SHROOM3: variants seen among roughly 807,000 people sequenced by gnomAD.
SHROOM3 encodes protein Shroom3.
Under a neutral mutation model 138.6 loss-of-function variants are expected in SHROOM3, and 47 were observed. The observed-to-expected ratio is 0.34, with a 90% CI of 0.27 to 0.43. The LOEUF (loss-of-function observed/expected upper bound fraction) is 0.43. Among genes scored for constraint, SHROOM3 ranks in the 20% least tolerant of loss-of-function variants. The probability of loss-of-function intolerance (pLI) is 1.00; values close to 1 mark genes in which losing one functional copy is unlikely to be tolerated. For missense variants in SHROOM3, 2,491 were observed against 2,596.5 expected, an observed-to-expected ratio of 0.96 and a Z score of 0.88; for synonymous variants, 1,062 against 1,063.3, an observed-to-expected ratio of 1.00 and a Z score of 0.02.
chr4:76,546,707 A>G (rs1223914875), intron 1 of SHROOM3, among the ~76,000 whole-genome samples: 5 of 152,208 alleles, frequency 3.3e-5, no homozygotes, highest in Admixed American at 2.0e-4. Flanking sequence ...CTTCCATACA[A>G]TTATCGCACT....
rs571398281 is a variant in SHROOM3, at chr4:76,495,298, A to G, written c.168+59078A>G. ...ATTGGCTGCTGAGGCTCACAGCTGCACTCTCTTGTGGAAAATTGTGTTCTG... is the reference window on the plus strand; with the variant it reads ...ATTGGCTGCTGAGGCTCACAGCTGCGCTCTCTTGTGGAAAATTGTGTTCTG... On this transcript the variant is annotated intron_variant, in intron 1 of 10. Transcript: ENST00000296043. Among the ~76,000 whole-genome samples, 9 of 152,256 alleles carry G rather than the reference A, an allele frequency of 5.9e-5. No individual in the cohort carries two copies. The South Asian group carries it at 1.9e-3, about 32-fold the overall frequency.
At chr4:76,654,695 A>G (rs1736029663) in intron 2 of SHROOM3, among the ~76,000 whole-genome samples, 1 of 150,884 alleles carries the variant, frequency 6.6e-6, no homozygotes, top group Admixed American at 6.6e-5. Context: ...TGATTTAGTG[A>G]CTCTTTTGAT....
intron 1 of SHROOM3, among the ~76,000 whole-genome samples, chr4:76,441,621 C>G (rs1042569277): frequency 6.6e-6 from 1 of 152,218 alleles, no homozygotes; most frequent in Non-Finnish European, 1.5e-5. Flanking sequence ...TGCTCTTCAG[C>G]TAGTTTGTTT....
At chr4:76,475,690 G>A (rs1230296130) in intron 1 of SHROOM3, among the ~76,000 whole-genome samples, 2 of 152,186 alleles carry the variant, frequency 1.3e-5, no homozygotes, top group African/African-American at 4.8e-5. Context: ...TATGGCAAAT[G>A]TTGGCTCTTT....
At chr4:76,598,831 A>T (rs1354562911) in intron 2 of SHROOM3, among the ~76,000 whole-genome samples, 1 of 152,248 alleles carries the variant, frequency 6.6e-6, no homozygotes, top group Non-Finnish European at 1.5e-5. Context: ...ATTAAAAGGC[A>T]GAGTAGTGAC....
intron 1 of SHROOM3, among the ~76,000 whole-genome samples, chr4:76,493,874 G>A (rs1731908679): frequency 6.6e-6 from 1 of 152,178 alleles, no homozygotes; most frequent in Admixed American, 6.5e-5. Flanking sequence ...AGCTACTCAG[G>A]AGACTGAGGC....
At chr4:76,502,208 G>A (rs1002994478) in intron 1 of SHROOM3, among the ~76,000 whole-genome samples, 5 of 152,138 alleles carry the variant, frequency 3.3e-5, no homozygotes, top group South Asian at 4.1e-4. Flanking sequence ...CCCCTACACC[G>A]TGGGCTCCTT....
At chr4:76,595,920 C>G (rs996130964) in intron 2 of SHROOM3, among the ~76,000 whole-genome samples, 1 of 152,180 alleles carries the variant, frequency 6.6e-6, no homozygotes, top group Non-Finnish European at 1.5e-5. Flanking sequence ...TAAGAGGAGG[C>G]AGAACTCTTG....
At chr4:76,501,798 C>T (rs138004553) in intron 1 of SHROOM3, among the ~76,000 whole-genome samples, 15 of 152,290 alleles carry the variant, frequency 9.8e-5, no homozygotes, top group African/African-American at 3.6e-4. Flanking sequence ...TGGTATACCC[C>T]AACTTCATGG....
rs1158979459 is a variant in SHROOM3 at position 76,740,831 on chromosome 4, C to T, written c.2658C>T (p.Leu886=). ...RGPQRPDARL[L]RSQSTFQLSS... ...CCCAGAGGCCGGACGCTCGGCTCCT[C>T]CGTAGCCAGAGCACCTTCCAGCTCT... Residue 886 remains leucine, a synonymous_variant, in exon 5 of 11, where the codon CTC becomes CTT. Coordinates refer to ENST00000296043, the MANE Select transcript of SHROOM3 (RefSeq NM_020859.4). The surrounding 1 kb of genome is among the most constrained non-coding windows in gnomAD (Gnocchi z 4.0). 6.3e-7 allele frequency: 1 copy of T among 1,594,136 alleles called. No individual in the cohort carries two copies. The highest frequency in any genetic ancestry group is 1.3e-5 in the African/African-American group (1 of 74,292).
chr4:76,575,674 T>A (rs1733922000), intron 2 of SHROOM3: 1 of 152,050 alleles, frequency 6.6e-6, no homozygotes, highest in Non-Finnish European at 1.5e-5. Flanking sequence ...TAAAAAGTAA[T>A]CCCATTTACA....
chr4:76,748,278 A>G (rs977304316), intron 5 of SHROOM3, among the ~76,000 whole-genome samples: 1 of 152,220 alleles, frequency 6.6e-6, no homozygotes, highest in Non-Finnish European at 1.5e-5. Flanking sequence ...GAGATTATAT[A>G]TGGATTTAAT....
intron 1 of SHROOM3, among the ~76,000 whole-genome samples, chr4:76,503,266 A>G (rs1162528753): frequency 6.6e-6 from 1 of 151,998 alleles, no homozygotes; most frequent in East Asian, 1.9e-4. Flanking sequence ...AAACATTTCA[A>G]TTCATGAACG....
At chr4:76,498,120 T>C (rs769328447) in intron 1 of SHROOM3, among the ~76,000 whole-genome samples, 1 of 152,204 alleles carries the variant, frequency 6.6e-6, no homozygotes, top group Non-Finnish European at 1.5e-5. Context: ...TGTATTTCCC[T>C]GGATTGTGAG....
chr4:76,602,011 T>C (rs950457542), intron 2 of SHROOM3, among the ~76,000 whole-genome samples: 4 of 152,138 alleles, frequency 2.6e-5, no homozygotes, highest in Non-Finnish European at 5.9e-5. Flanking sequence ...TGTTTTGTGG[T>C]GATAAAGAGA....
chr4:76,566,288 G>A (rs1733725274), intron 2 of SHROOM3, among the ~76,000 whole-genome samples: 1 of 152,078 alleles, frequency 6.6e-6, no homozygotes, highest in Non-Finnish European at 1.5e-5. Flanking sequence ...ACAGGAGGAA[G>A]TGTATAGGTT....
chr4:76,754,677 C>G lies in SHROOM3; in HGVS notation c.4194C>G (p.Pro1398=). ...ATGGTCACACCCTGACCCAGCCTCCCGGTCCAAGAGGCTGTGAGGGCGATG... is the reference window on the plus strand; with the variant it reads ...ATGGTCACACCCTGACCCAGCCTCCGGGTCCAAGAGGCTGTGAGGGCGATG... ...RSNGHTLTQP[P]GPRGCEGDGP... Residue 1398 remains proline, a synonymous_variant, in exon 7 of 11, where the codon CCC becomes CCG. Coordinates refer to ENST00000296043, the MANE Select transcript of SHROOM3 (RefSeq NM_020859.4). The G allele has an allele frequency of 6.2e-7, 1 of 1,614,178 alleles. No homozygotes were observed. The highest frequency in any genetic ancestry group is 8.5e-7 in the Non-Finnish European group (1 of 1,180,018).
intron 2 of SHROOM3, among the ~76,000 whole-genome samples, chr4:76,671,299 CATAGTGATCCTTCA>C (rs1039977659): frequency 8.5e-5 from 13 of 152,248 alleles, no homozygotes; most frequent in African/African-American, 3.1e-4. Flanking sequence ...CCACTACAAC[CATAGTGATCCTTCA>C]AGAATGCAGA....
chr4:76,765,294 C>G (rs1160420221), intron 9 of SHROOM3, among the ~76,000 whole-genome samples: 1 of 149,408 alleles, frequency 6.7e-6, no homozygotes, highest in Non-Finnish European at 1.5e-5. Flanking sequence ...GCAGGCGGAT[C>G]TCTTGAGTCT....
Sources: allele counts gnomAD v4.1 joint callset (sites outside exome capture counted in the v4.1 genomes callset), GRCh38; gene constraint gnomAD v4.1.1; non-coding constraint Gnocchi (gnomAD v3.1); transcripts MANE v1.5; gene names NCBI Gene and HGNC (gene_info 2026-07-23, HGNC 2026-07-21).